Variants in TTC34 observed in about 807,000 individuals in gnomAD.
The protein encoded by TTC34 is tetratricopeptide repeat domain 34, also known as tetratricopeptide repeat protein 34.
A neutral mutation model predicts 40.7 loss-of-function variants in TTC34; 44 were observed. That is an observed-to-expected ratio of 1.08 (90% CI 0.85 to 1.39). The LOEUF (loss-of-function observed/expected upper bound fraction) is 1.39, where lower values mean the gene tolerates loss of function less well. TTC34 is among the 40% of genes most tolerant of loss of function. The pLI, the probability that TTC34 is intolerant of heterozygous loss-of-function variation, is 0.00. For missense variants in TTC34, 884 were observed against 838.0 expected, an observed-to-expected ratio of 1.05 and a Z score of -0.68; for synonymous variants, 422 against 398.6, an observed-to-expected ratio of 1.06 and a Z score of -0.70.
rs574837109 is a variant in TTC34, at chr1:2,767,925, A to C, written c.2226+15684T>G. Among the ~76,000 whole-genome samples, 89 of 149,580 alleles carry C rather than the reference A, an allele frequency of 5.9e-4. 2 individuals carry two copies. The highest frequency in any genetic ancestry group is 2.1e-3 in the African/African-American group (86 of 40,728). ...ATCTGACAACCAGAACCTGCACCACACACCCCAAGGTGGGCATCCGATGGC... is the reference window on the plus strand; with the variant it reads ...ATCTGACAACCAGAACCTGCACCACCCACCCCAAGGTGGGCATCCGATGGC... On this transcript the variant is annotated intron_variant, in intron 6 of 8. Coordinates refer to ENST00000401095, the Ensembl canonical transcript of TTC34.
intron 6 of TTC34, among the ~76,000 whole-genome samples, chr1:2,767,928 C>T (rs1447007052): frequency 6.6e-6 from 1 of 150,462 alleles, no homozygotes; most frequent in Non-Finnish European, 1.5e-5. Flanking sequence ...GCACCACACA[C>T]CCCAAGGTGG....
chr1:2,694,791 C>A (rs1295124042), intron 6 of TTC34, among the ~76,000 whole-genome samples: 1 of 78,852 alleles, frequency 1.3e-5, no homozygotes, highest in African/African-American at 4.1e-5. Flanking sequence ...AGCACCCACA[C>A]ACCCAGGCGA....
exon 3 of TTC34, chr1:2,789,606 C>T (rs955932211): frequency 3.6e-5 from 50 of 1,391,704 alleles, no homozygotes; most frequent in South Asian, 9.5e-5. Flanking sequence ...CGGGCCTCCT[C>T]CCGCAGCACC....
In TTC34 at chr1:2,700,027, C is replaced by G. The variant is rs1256891418; in HGVS notation, c.2227-54464G>C. Reference sequence around the variant, plus strand: ...AGCGTCCACACCCCCAGGTGAGCATCTGATAGCCTGGAGCAGCGCCCACAC... The same window carrying G: ...AGCGTCCACACCCCCAGGTGAGCATGTGATAGCCTGGAGCAGCGCCCACAC... On this transcript the variant is annotated intron_variant, in intron 6 of 8. Transcript: ENST00000401095. Among the ~76,000 whole-genome samples, 15 of 120,988 alleles carry G rather than the reference C, an allele frequency of 1.2e-4. 3 individuals carry two copies. Among genetic ancestry groups the G allele is most frequent in the African/African-American group, 3.8e-4 (14 of 37,222 alleles). The allele number at this position is 120,988 out of a possible 152,430, so 79.4% of individuals were successfully genotyped here. A position where few individuals can be genotyped will look rare whatever the true frequency, so the allele number is the denominator to read the frequency against.
chr1:2,757,671 C>G (rs1641551955), intron 6 of TTC34, among the ~76,000 whole-genome samples: 1 of 145,272 alleles, frequency 6.9e-6, no homozygotes, highest in Non-Finnish European at 1.5e-5. Context: ...GGACCCACAC[C>G]CCTAGGTGAA....
intron 6 of TTC34, chr1:2,775,665 C>T (rs1184516175): frequency 1.3e-5 from 2 of 148,484 alleles, no homozygotes; most frequent in Admixed American, 6.6e-5. Flanking sequence ...AACAGCACCC[C>T]ACAACCCCAG....
At chr1:2,684,599 C>T (rs1182113967) in intron 6 of TTC34, among the ~76,000 whole-genome samples, 4 of 136,666 alleles carry the variant, frequency 2.9e-5, no homozygotes, top group Admixed American at 2.9e-4. Flanking sequence ...ACCCATACCC[C>T]CAGGTGAGCA....
At position 2,644,423 on chromosome 1, in the gene TTC34, C is replaced by T. The variant is rs1638976930; in HGVS notation, c.2553G>A (p.Thr851=). 12 of 1,536,038 alleles carry T rather than the reference C, an allele frequency of 7.8e-6. No individual in the cohort carries two copies. The East Asian group carries it at 2.0e-4, about 25-fold the overall frequency. The stretch of plus-strand genomic sequence containing the variant: ...CCAGCCGGGCCCGGGCTGCCTCTGA[C>T]GTTGGGGCACGGTGCAGGGCTTTTT... The change falls in exon 8 of 9, where the codon ACG becomes ACA. Residue 851 remains threonine (T), a synonymous_variant. Transcript: ENST00000401095.
intron 6 of TTC34, among the ~76,000 whole-genome samples, chr1:2,778,560 C>G (rs1425519600): frequency 1.3e-5 from 2 of 152,186 alleles, no homozygotes; most frequent in Non-Finnish European, 2.9e-5. Context: ...GGAGGAACCA[C>G]TGTTCAGCCA....
chr1:2,691,049 C>G lies in TTC34; in HGVS notation c.2227-45486G>C, dbSNP rs1260606599. Among the ~76,000 whole-genome samples the G allele has an allele frequency of 2.4e-5, 2 of 84,476 alleles. 1 individual carries two copies. Among genetic ancestry groups the G allele is most frequent in the African/African-American group, 7.6e-5 (2 of 26,288 alleles). 55.4% of individuals were successfully genotyped at this position (84,476 alleles called of 152,430 possible). On this transcript the variant is annotated intron_variant, in intron 6 of 8. Transcript: ENST00000401095. ...CAGGCGAGCATCTGACAGCCTCGGT[C>G]AGCACCCACAAACCCAGGTGAGCAT...
intron 6 of TTC34, among the ~76,000 whole-genome samples, chr1:2,780,640 A>T (rs1442400486): frequency 6.6e-6 from 1 of 152,142 alleles, no homozygotes; most frequent in African/African-American, 2.4e-5. Context: ...GCCATACCAC[A>T]CTATTTTGAT....
chr1:2,681,986 C>A (rs537599637), intron 6 of TTC34, among the ~76,000 whole-genome samples: 13 of 122,108 alleles, frequency 1.1e-4, no homozygotes, highest in East Asian at 4.3e-4. Flanking sequence ...GCACCCACAC[C>A]CCCAGGTGAG....
intron 6 of TTC34, among the ~76,000 whole-genome samples, chr1:2,657,463 C>T (rs1639390747): frequency 1.1e-5 from 1 of 90,836 alleles, no homozygotes; most frequent in African/African-American, 3.4e-5. Context: ...ACCCACGCCC[C>T]CAGGCGAGCA....
At chr1:2,688,370 GC>G (rs1640469424) in intron 6 of TTC34, among the ~76,000 whole-genome samples, 6 of 63,152 alleles carry the variant, frequency 9.5e-5, no homozygotes, top group Admixed American at 3.1e-4. Flanking sequence ...GCACCCACAC[GC>G]CCAGGTGAGC....
chr1:2,777,410 T>C (rs10909957), intron 6 of TTC34, among the ~76,000 whole-genome samples: 98,163 of 147,482 alleles, frequency 0.67, 33,094 homozygotes, highest in African/African-American at 0.85. Context: ...GGAACAGCAC[T>C]CCACACCTCC....
chr1:2,788,311 TTG>T (rs1643618479), intron 3 of TTC34, among the ~76,000 whole-genome samples: 2 of 151,386 alleles, frequency 1.3e-5, no homozygotes, highest in South Asian at 2.1e-4. Context: ...TATGTACATG[TTG>T]TGTGTTGTAT....
chr1:2,641,940 C>T (rs1004576109), intron 8 of TTC34, 45 bp from the exon 9 acceptor site: 8 of 1,434,376 alleles, frequency 5.6e-6, no homozygotes, highest in Middle Eastern at 2.5e-4. Context: ...GGGGTCAGCC[C>T]CAAAAGCCCG....
chr1:2,644,308 G>C (rs1174959666), exon 8 of TTC34: 1 of 1,535,542 alleles, frequency 6.5e-7, no homozygotes. Flanking sequence ...AGATGCAGCA[G>C]GCAGCTGAGA....
intron 6 of TTC34, among the ~76,000 whole-genome samples, chr1:2,782,888 A>C (rs1176215597): frequency 3.3e-5 from 5 of 152,166 alleles, no homozygotes; most frequent in African/African-American, 1.2e-4. Flanking sequence ...TGGGCTGAGC[A>C]CACAGGTCCA....
Sources: gnomAD v4.1 joint callset for allele counts (sites outside exome capture counted in the v4.1 genomes callset) on GRCh38, gnomAD v4.1.1 for gene constraint, MANE v1.5 for transcripts, NCBI Gene and HGNC (gene_info 2026-07-23, HGNC 2026-07-21) for gene names.